Variants in ZNF469 observed in about 807,000 individuals in gnomAD.
ZNF469 encodes zinc finger protein 469.
In ZNF469, 1 loss-of-function variant was observed where a neutral mutation model predicts 1.0. The observed-to-expected ratio is 1.00, with a 90% CI of 0.35 to 4.73. ZNF469 has a LOEUF of 4.73. Ranked by LOEUF, ZNF469 falls within the 30% of genes most tolerant of loss-of-function variation. ZNF469 has a pLI of 0.16. For synonymous variants in ZNF469, 2,703 were observed against 2,363.4 expected (o/e 1.14, Z -4.17); for missense variants, 6,100 against 5,356.3 (o/e 1.14, Z -4.33).
Position 88,438,220 on chromosome 16 carries a change from C to T in ZNF469, c.10750C>T (p.Pro3584Ser), listed in dbSNP as rs1049750066. 2.6e-6 allele frequency: 4 copies of T among 1,546,790 alleles called. No homozygotes were observed. The African/African-American group carries it at 5.5e-5, about 21-fold the overall frequency. ...ALERPENEAS[P>S]GSPGPLLQQA... Reference sequence around the variant, plus strand: ...GGAGAGGCCAGAGAACGAGGCTTCCCCAGGCAGCCCCGGGCCTCTTCTCCA... The same window carrying T: ...GGAGAGGCCAGAGAACGAGGCTTCCTCAGGCAGCCCCGGGCCTCTTCTCCA... The change falls in exon 3 of 3, where the codon CCA becomes TCA. Residue 3584 changes from proline (P) to serine (S), a missense_variant. By Grantham distance (74) the Pro-to-Ser change is moderately conservative. Coordinates refer to ENST00000565624, the MANE Select transcript of ZNF469 (RefSeq NM_001367624.2).
chr16:88,152,895 C>T, the ZNF469 span, among the ~76,000 whole-genome samples: 57 of 152,264 alleles, frequency 3.7e-4, no homozygotes, highest in Middle Eastern at 3.4e-3. This position sits in a 1 kb window ranked among gnomAD's most constrained non-coding sequence, Gnocchi z 4.2. Flanking sequence ...GTTTTGGAGC[C>T]GGGGCAAGTT....
the ZNF469 span, among the ~76,000 whole-genome samples, chr16:88,263,942 C>T: frequency 2.1e-4 from 32 of 152,230 alleles, no homozygotes; most frequent in African/African-American, 7.7e-4. Context: ...CTGGGCTGAC[C>T]AGAGCCCTGG....
At chr16:88,191,801 G>A in the ZNF469 span, 1 of 152,256 alleles carries the variant, frequency 6.6e-6, no homozygotes, top group Non-Finnish European at 1.5e-5. Flanking sequence ...GAGGTGAAAT[G>A]TTCGGTGGGC....
the ZNF469 span, among the ~76,000 whole-genome samples, chr16:88,236,140 T>C: frequency 6.6e-5 from 10 of 152,238 alleles, no homozygotes; most frequent in East Asian, 1.9e-4. Flanking sequence ...AGATGGCAAA[T>C]GTCTCCTATT....
rs745344513 is a variant in ZNF469 at position 88,438,530 on chromosome 16, C to T, written c.11060C>T (p.Ser3687Phe). The change falls in exon 3 of 3, where the codon TCC becomes TTC. Residue 3687 changes from serine to phenylalanine, a missense_variant. Transcript: ENST00000565624. ...QSSSKDRSAA[S>F]TPSKALKFPV... ...TCATCAAAGGACAGGTCGGCAGCATCCACCCCCAGCAAAGCACTCAAGTTC... is the reference window on the plus strand; with the variant it reads ...TCATCAAAGGACAGGTCGGCAGCATTCACCCCCAGCAAAGCACTCAAGTTC... The T allele has an allele frequency of 1.9e-5, 30 of 1,550,010 alleles. No individual in the cohort carries two copies. The highest frequency in any genetic ancestry group is 4.1e-5 in the African/African-American group (3 of 73,044).
At chr16:88,390,423 C>T (rs1449604595) in intron 1 of ZNF469, among the ~76,000 whole-genome samples, 4 of 152,136 alleles carry the variant, frequency 2.6e-5, no homozygotes, top group Admixed American at 6.5e-5. Flanking sequence ...CGTAACCCCA[C>T]GTGGGGTCCA....
At chr16:88,184,057 A>C in the ZNF469 span, among the ~76,000 whole-genome samples, 1 of 151,852 alleles carries the variant, frequency 6.6e-6, no homozygotes, top group African/African-American at 2.4e-5. Flanking sequence ...AGGCGGGCAG[A>C]AGTGGAAGCT....
chr16:88,283,441 G>A, the ZNF469 span, among the ~76,000 whole-genome samples: 1 of 152,208 alleles, frequency 6.6e-6, no homozygotes, highest in Non-Finnish European at 1.5e-5. Context: ...GAGAGGGATG[G>A]AGAAGTCAAT....
upstream of ZNF469, among the ~76,000 whole-genome samples, chr16:88,381,141 CACACACACTCACACACAG>C (rs1355394584): frequency 1.9e-4 from 27 of 145,036 alleles, no homozygotes; most frequent in Admixed American, 8.2e-4. Flanking sequence ...CATGCACTCA[CACACACACTCACACACAG>C]ACACGCCCTC....
At position 88,429,565 on chromosome 16, in the gene ZNF469, C is replaced by T. The variant is rs1463781846; in HGVS notation, c.2095C>T (p.Arg699Trp). Residue 699 changes from arginine to tryptophan, a missense_variant, in exon 3 of 3, where the codon CGG (arginine) becomes TGG (tryptophan). Coordinates refer to ENST00000565624, the MANE Select transcript of ZNF469 (RefSeq NM_001367624.2). ...PFPHEGPEVG[R>W]GGLQGFPRAP... is the part of the protein sequence containing the mutation. ...CCCCCACGAGGGCCCCGAGGTGGGT[C>T]GGGGAGGGCTGCAGGGCTTCCCCCG... The T allele has an allele frequency of 8.4e-6, 13 of 1,549,928 alleles. No homozygotes were observed. Among genetic ancestry groups the T allele is most frequent in the Non-Finnish European group, 9.6e-6 (11 of 1,146,842 alleles).
chr16:88,296,415 T>A, the ZNF469 span, among the ~76,000 whole-genome samples: 2 of 151,630 alleles, frequency 1.3e-5, no homozygotes, highest in African/African-American at 4.9e-5. Context: ...TGCACACCCA[T>A]GCTCACACAC....
At chr16:88,232,693 G>A in the ZNF469 span, among the ~76,000 whole-genome samples, 41 of 152,326 alleles carry the variant, frequency 2.7e-4, no homozygotes, top group African/African-American at 8.9e-4. Context: ...ATCAGGCCAC[G>A]GCGGCTTCTG....
the ZNF469 span, among the ~76,000 whole-genome samples, chr16:88,158,393 A>AGCTGCCG: frequency 1.3e-5 from 2 of 151,616 alleles, no homozygotes; most frequent in East Asian, 3.9e-4. Flanking sequence ...ACCCACCCCG[A>AGCTGCCG]GCTGCAAGGC....
chr16:88,160,314 G>A, the ZNF469 span, among the ~76,000 whole-genome samples: 1 of 152,130 alleles, frequency 6.6e-6, no homozygotes, highest in Non-Finnish European at 1.5e-5. Context: ...ATTTTTAAAC[G>A]ATTTTATTTT....
chr16:88,108,261 A>C, the ZNF469 span, among the ~76,000 whole-genome samples: 1 of 150,332 alleles, frequency 6.7e-6, no homozygotes, highest in African/African-American at 2.5e-5. Context: ...GTCTGTGGGG[A>C]TGTGGGGATG....
At chr16:88,248,975 T>A in the ZNF469 span, among the ~76,000 whole-genome samples, 1 of 152,200 alleles carries the variant, frequency 6.6e-6, no homozygotes, top group Non-Finnish European at 1.5e-5. Context: ...CCTCAGTGTG[T>A]CTGTCTCCCT....
the ZNF469 span, among the ~76,000 whole-genome samples, chr16:88,184,417 C>G: frequency 2.0e-5 from 3 of 152,068 alleles, no homozygotes; most frequent in South Asian, 6.3e-4. Context: ...AATGAGAAGG[C>G]TATTTTAGCA....
chr16:88,122,067 CCT>C, the ZNF469 span, among the ~76,000 whole-genome samples: 1 of 140,244 alleles, frequency 7.1e-6, no homozygotes, highest in African/African-American at 2.6e-5. Context: ...CTGATCGCAC[CCT>C]GTCACTTGCT....
chr16:88,259,690 C>T, the ZNF469 span, among the ~76,000 whole-genome samples: 6 of 152,072 alleles, frequency 3.9e-5, no homozygotes, highest in Non-Finnish European at 7.4e-5. The surrounding 1 kb of genome is among the most constrained non-coding windows in gnomAD (Gnocchi z 4.1). Context: ...CTCTGCGTCT[C>T]ACCCCCACCT....
Sources: allele counts gnomAD v4.1 joint callset (sites outside exome capture counted in the v4.1 genomes callset), GRCh38; gene constraint gnomAD v4.1.1; non-coding constraint Gnocchi (gnomAD v3.1); transcripts MANE v1.5; gene names NCBI Gene and HGNC (gene_info 2026-07-23, HGNC 2026-07-21).